Variants in LRRK2 observed in about 807,000 individuals in gnomAD.
LRRK2 encodes the protein leucine rich repeat kinase 2.
In LRRK2, 203 loss-of-function variants were observed where a neutral mutation model predicts 302.6. That is an observed-to-expected ratio of 0.67 (90% CI 0.60 to 0.75). The LOEUF (loss-of-function observed/expected upper bound fraction) is 0.75. Among genes scored for constraint, LRRK2 ranks in the 30% least tolerant of loss-of-function variants. LRRK2 has a pLI of 0.00. For synonymous variants in LRRK2, 1,066 were observed against 1,031.9 expected, an observed-to-expected ratio of 1.03 and a Z score of -0.63; for missense variants, 2,830 against 2,951.0, an observed-to-expected ratio of 0.96 and a Z score of 0.95.
intron 41 of LRRK2, among the ~76,000 whole-genome samples, chr12:40,343,319 A>G (rs1946104805): frequency 6.6e-6 from 1 of 152,194 alleles, no homozygotes; most frequent in African/African-American, 2.4e-5. Context: ...TCTGGGTCCT[A>G]TGGCAATTGC....
At chr12:40,235,186 ACATGGCCAGG>A (rs1164016501) in intron 3 of LRRK2, among the ~76,000 whole-genome samples, 1 of 152,342 alleles carries the variant, frequency 6.6e-6, no homozygotes, top group African/African-American at 2.4e-5. Flanking sequence ...AAACAAACAC[ACATGGCCAGG>A]CACGGTGGCT....
chr12:40,259,548 C>T lies in LRRK2; in HGVS notation c.1487C>T (p.Thr496Ile). The T allele has an allele frequency of 2.5e-6, 4 of 1,613,364 alleles. No homozygotes were observed. In the South Asian group the frequency reaches 4.4e-5, roughly 18 times the overall value. ...CTAACAGTTATGAAACGTCATGAGACATCATTACCAGTGCAGCTGGAGGCG... is the reference window on the plus strand; with the variant it reads ...CTAACAGTTATGAAACGTCATGAGATATCATTACCAGTGCAGCTGGAGGCG... ...KILTVMKRHETSLPVQLEALR... is the reference protein window; with the variant it reads ...KILTVMKRHEISLPVQLEALR... The change falls in exon 13 of 51, where the codon ACA becomes ATA. Residue 496 changes from threonine (T) to isoleucine (I), a missense_variant. By Grantham distance (89) the Thr-to-Ile change is moderately conservative. Transcript: ENST00000298910.
At chr12:40,298,860 A>ATATTATATATATACTATATATAATACT (rs11270630) in intron 24 of LRRK2, among the ~76,000 whole-genome samples, 1,053 of 89,294 alleles carry the variant, frequency 0.012, 76 homozygotes, top group East Asian at 0.027. Flanking sequence ...TAATACCTAT[A>ATATTATATATATACTATATATAATACT]TATTATATAT....
Position 40,277,965 on chromosome 12 carries a change from A to ATCAAAT in LRRK2, c.2019_2020insTCAAAT (p.Leu673_Val674insSerAsn). On this transcript the variant is annotated inframe_insertion, in exon 17 of 51. Transcript: ENST00000298910. ...TGCTGGTGCATCATTCATTTGACTT[A>ATCAAAT]GTAATATTCCATCAAATGTCTTCCA... The ATCAAAT allele has an allele frequency of 6.2e-7, 1 of 1,613,498 alleles. No homozygotes were observed. The highest frequency in any genetic ancestry group is 8.5e-7 in the Non-Finnish European group (1 of 1,179,920).
At chr12:40,226,858 G>A (rs1200632317) in intron 2 of LRRK2, among the ~76,000 whole-genome samples, 1 of 152,038 alleles carries the variant, frequency 6.6e-6, no homozygotes, top group African/African-American at 2.4e-5. Flanking sequence ...TCTCTGCTTT[G>A]GTGTTCAGAA....
chr12:40,235,390 C>T (rs1343014541), intron 3 of LRRK2, among the ~76,000 whole-genome samples: 1 of 152,136 alleles, frequency 6.6e-6, no homozygotes, highest in Non-Finnish European at 1.5e-5. Context: ...GAGGATTGCT[C>T]ACTTGAGCCC....
chr12:40,317,255 T>A (rs1945254565), intron 33 of LRRK2, among the ~76,000 whole-genome samples: 1 of 152,066 alleles, frequency 6.6e-6, no homozygotes, highest in Non-Finnish European at 1.5e-5. Flanking sequence ...AATAAAATGA[T>A]AATTTAAATT....
chr12:40,303,854 TTTATTCTCACCCTGGGGAAAA>T lies in LRRK2; in HGVS notation c.3591-88_3591-68del. ...AATAATGCTAGTTTTGACGTTACAC[TTTATTCTCACCCTGGGGAAAA>T]TTATTTGTGATGTTATTTCATGTAT... On this transcript the variant is annotated intron_variant, in intron 26 of 50. Transcript: ENST00000298910. 11 of 1,250,998 alleles carry T rather than the reference TTTATTCTCACCCTGGGGAAAA, an allele frequency of 8.8e-6. No individual in the cohort carries two copies. In the South Asian group the frequency reaches 1.3e-4, roughly 15 times the overall value. 77.5% of individuals were successfully genotyped at this position (1,250,998 alleles called of 1,614,324 possible). A position where few individuals can be genotyped will look rare whatever the true frequency, so the allele number is the denominator to read the frequency against.
intron 45 of LRRK2, among the ~76,000 whole-genome samples, chr12:40,355,487 A>G (rs1946497550): frequency 7.8e-6 from 1 of 127,718 alleles, no homozygotes; most frequent in African/African-American, 2.8e-5. Context: ...GACACTGGGG[A>G]ATTCCTTCCT....
Position 40,308,636 on chromosome 12 carries a change from C to A in LRRK2, c.4129C>A (p.Pro1377Thr). The part of the protein sequence containing the change: ...ATVGIDVKDW[P>T]IQIRDKRKRD... ...AGTTGGCATAGATGTGAAAGACTGG[C>A]CTATCCAAATAAGAGACAAAAGAAA... The change falls in exon 29 of 51, where the codon CCT becomes ACT. Residue 1377 changes from proline (P) to threonine (T), a missense_variant. Coordinates refer to ENST00000298910, the MANE Select transcript of LRRK2 (RefSeq NM_198578.4). 1 of 1,613,908 alleles carries A rather than the reference C, an allele frequency of 6.2e-7. No homozygotes were observed. Among genetic ancestry groups the A allele is most frequent in the Non-Finnish European group, 8.5e-7 (1 of 1,179,946 alleles).
chr12:40,230,568 T>C (rs1941127810), intron 2 of LRRK2, among the ~76,000 whole-genome samples: 1 of 152,236 alleles, frequency 6.6e-6, no homozygotes. Context: ...CAACTCACAC[T>C]GAGTCTTACT....
At chr12:40,229,112 A>G (rs1233819676) in intron 2 of LRRK2, among the ~76,000 whole-genome samples, 1 of 152,224 alleles carries the variant, frequency 6.6e-6, no homozygotes, top group African/African-American at 2.4e-5. Flanking sequence ...TAACAAGGGG[A>G]TGTAGAAAGG....
rs71078229 is a variant in LRRK2, at chr12:40,229,955, C to CTTTTTTTTTTTTTTTTT, written c.238-2307_238-2291dup. ...GAGATGAGTTTGGCATCCTATGTGACTTTTTTTTTTTTTTTTTTTTTTTTT... is the reference window on the plus strand; with the variant it reads ...GAGATGAGTTTGGCATCCTATGTGACTTTTTTTTTTTTTTTTTTTTTTTTTTTTTTTTTTTTTTTTTT... On this transcript the variant is annotated intron_variant, in intron 2 of 50. Transcript: ENST00000298910. Among the ~76,000 whole-genome samples the CTTTTTTTTTTTTTTTTT allele has an allele frequency of 4.3e-5, 4 of 92,926 alleles. 1 individual carries two copies. Among genetic ancestry groups the CTTTTTTTTTTTTTTTTT allele is most frequent in the Non-Finnish European group, 8.4e-5 (4 of 47,742 alleles). The allele number at this position is 92,926 out of a possible 152,430, so 61.0% of individuals were successfully genotyped here. A position where few individuals can be genotyped will look rare whatever the true frequency, so the allele number is the denominator to read the frequency against.
In LRRK2 at chr12:40,343,875, T is replaced by C. The variant is rs373227513; in HGVS notation, c.6110-2878T>C. 2.1e-4 allele frequency among the ~76,000 whole-genome samples: 32 copies of C among 152,260 alleles called. No individual in the cohort carries two copies. In the East Asian group the frequency reaches 5.6e-3, roughly 27 times the overall value. On this transcript the variant is annotated intron_variant, in intron 41 of 50. Coordinates refer to ENST00000298910, the MANE Select transcript of LRRK2 (RefSeq NM_198578.4). ...TGCAATCAAGAACACTAGAAATTCATTGGATGAATTTAAAGAAGCTTTTAG... is the reference window on the plus strand; with the variant it reads ...TGCAATCAAGAACACTAGAAATTCACTGGATGAATTTAAAGAAGCTTTTAG...
At chr12:40,282,301 T>G (rs1208550906) in intron 18 of LRRK2, among the ~76,000 whole-genome samples, 1 of 151,792 alleles carries the variant, frequency 6.6e-6, no homozygotes, top group Non-Finnish European at 1.5e-5. Context: ...ATTTGCTAGA[T>G]GTTGTGCTAG....
At chr12:40,228,465 G>GT (rs974058802) in intron 2 of LRRK2, among the ~76,000 whole-genome samples, 2 of 69,642 alleles carry the variant, frequency 2.9e-5, no homozygotes, top group Non-Finnish European at 6.1e-5. Context: ...TGCTAATTGA[G>GT]TTTTTTTAGT....
At chr12:40,362,213 G>T (rs560804182) in intron 47 of LRRK2, among the ~76,000 whole-genome samples, 2 of 151,836 alleles carry the variant, frequency 1.3e-5, no homozygotes, top group African/African-American at 4.8e-5. Context: ...TACCTAAAGC[G>T]TAGTGGCTCT....
chr12:40,303,685 C>G (rs1944706570), intron 26 of LRRK2, among the ~76,000 whole-genome samples: 1 of 152,042 alleles, frequency 6.6e-6, no homozygotes, highest in African/African-American at 2.4e-5. Flanking sequence ...CGGTTCATCT[C>G]TTTAATCTTC....
Position 40,314,117 on chromosome 12 carries a change from A to G in LRRK2, c.4682A>G (p.Gln1561Arg), listed in dbSNP as rs572953526. Residue 1561 changes from glutamine (Q) to arginine (R), a missense_variant, in exon 32 of 51, where the codon CAG (glutamine) becomes CGG (arginine). Coordinates refer to ENST00000298910, the MANE Select transcript of LRRK2 (RefSeq NM_198578.4). ...KRLLQLVREN[Q>R]LQLDENELPH... ...TTATTACAACTAGTGAGAGAAAATCAGCTGCAGTTAGATGAAAATGAGCTT... is the reference window on the plus strand; with the variant it reads ...TTATTACAACTAGTGAGAGAAAATCGGCTGCAGTTAGATGAAAATGAGCTT... 5.0e-6 allele frequency: 8 copies of G among 1,612,752 alleles called. No homozygotes were observed. Among genetic ancestry groups the G allele is most frequent in the East Asian group, 2.2e-5 (1 of 44,832 alleles).
Sources: allele counts gnomAD v4.1 joint callset (sites outside exome capture counted in the v4.1 genomes callset), GRCh38; gene constraint gnomAD v4.1.1; transcripts MANE v1.5; gene names NCBI Gene and HGNC (gene_info 2026-07-23, HGNC 2026-07-21).